The following ANKRD30A variants were observed in gnomAD, a reference collection of about 807,000 sequenced individuals.
The protein encoded by ANKRD30A is ankyrin repeat domain-containing protein 30A.
A neutral mutation model predicts 166.3 loss-of-function variants in ANKRD30A; 170 were observed. The observed-to-expected ratio is 1.02, with a 90% CI of 0.90 to 1.16. ANKRD30A has a LOEUF of 1.16. Among genes scored for constraint, ANKRD30A ranks in the 50% most tolerant of loss-of-function variants. The pLI, the probability that ANKRD30A is intolerant of heterozygous loss-of-function variation, is 0.00. For synonymous variants in ANKRD30A, 564 were observed against 508.9 expected (o/e 1.11, Z -1.46); for missense variants, 1,630 against 1,518.0 (o/e 1.07, Z -1.23).
chr10:37,157,471 T>C (rs1383576280), intron 13 of ANKRD30A, among the ~76,000 whole-genome samples: 2 of 152,188 alleles, frequency 1.3e-5, no homozygotes, highest in Admixed American at 1.3e-4. Context: ...GTTCAAGTGA[T>C]TCTGGTACCT....
At chr10:37,130,118 T>C in intron 2 of ANKRD30A, 87 bp from the exon 3 acceptor site, 1 of 1,160,846 alleles carries the variant, frequency 8.6e-7, no homozygotes, top group Non-Finnish European at 1.1e-6. Flanking sequence ...GTGGAATATT[T>C]ATTTTGATTT....
At chr10:37,241,981 A>G in the ANKRD30A span, 2 of 152,198 alleles carry the variant, frequency 1.3e-5, no homozygotes, top group African/African-American at 2.4e-5. Context: ...ATTCTACGTG[A>G]CTACAATATA....
At chr10:37,216,656 A>G (rs1842621555) in intron 32 of ANKRD30A, among the ~76,000 whole-genome samples, 1 of 151,292 alleles carries the variant, frequency 6.6e-6, no homozygotes, top group Non-Finnish European at 1.5e-5. Context: ...TACTTAACAA[A>G]TTAAGTTTTT....
At chr10:37,201,642 G>C (rs188071451) in intron 31 of ANKRD30A, among the ~76,000 whole-genome samples, 1 of 152,092 alleles carries the variant, frequency 6.6e-6, no homozygotes, top group Admixed American at 6.6e-5. Flanking sequence ...GAGAGTACAT[G>C]AAGGAACAAG....
At chr10:37,192,292 C>T (rs1366704244) in intron 25 of ANKRD30A, among the ~76,000 whole-genome samples, 1 of 151,928 alleles carries the variant, frequency 6.6e-6, no homozygotes, top group Non-Finnish European at 1.5e-5. Flanking sequence ...GATCCGCCCT[C>T]CTCGGCCTTC....
chr10:37,217,650 A>G, intron 32 of ANKRD30A, 45 bp from the exon 33 acceptor site: 6 of 1,419,582 alleles, frequency 4.2e-6, no homozygotes, highest in East Asian at 2.5e-5. Flanking sequence ...AATGAATTCT[A>G]TTTTCTAACA....
chr10:37,140,571 A>G (rs1219535515), intron 6 of ANKRD30A, among the ~76,000 whole-genome samples: 3 of 152,344 alleles, frequency 2.0e-5, no homozygotes, highest in Non-Finnish European at 2.9e-5. Flanking sequence ...AGATATATTT[A>G]CTTCATTAAA....
chr10:37,248,211 A>T, the ANKRD30A span: 1 of 631,610 alleles, frequency 1.6e-6, no homozygotes, highest in African/African-American at 1.8e-5. Flanking sequence ...CTACAAAATC[A>T]CCCAGAATGC....
chr10:37,219,988 A>AATATATATATATATATATATATATATAT (rs71007624), intron 34 of ANKRD30A, 91 bp downstream of exon 34: 1 of 187,518 alleles, frequency 5.3e-6, no homozygotes, highest in Non-Finnish European at 1.0e-5. Flanking sequence ...AATCTAGTTG[A>AATATATATATATATATATATATATATAT]ATATATATAT....
At chr10:37,178,145 G>T (rs1839881123) in intron 24 of ANKRD30A, among the ~76,000 whole-genome samples, 2 of 151,282 alleles carry the variant, frequency 1.3e-5, no homozygotes, top group African/African-American at 4.8e-5. Context: ...GATCGGGTAT[G>T]GTTAGAAATT....
At position 37,149,760 on chromosome 10, in the gene ANKRD30A, C is replaced by A. The variant is rs2132552674; in HGVS notation, c.1573-17C>A. Reference sequence around the variant, plus strand: ...TATACATTCTTTATTAATCATTTTGCTTCCAACCCCATTTAGCCTGCCATT... The same window carrying A: ...TATACATTCTTTATTAATCATTTTGATTCCAACCCCATTTAGCCTGCCATT... On this transcript the variant is annotated splice_polypyrimidine_tract_variant and intron_variant, in intron 10 of 35. Transcript: ENST00000361713. 1 of 1,612,872 alleles carries A rather than the reference C, an allele frequency of 6.2e-7. No homozygotes were observed. Among genetic ancestry groups the A allele is most frequent in the South Asian group, 1.1e-5 (1 of 91,054 alleles).
chr10:37,125,771 A>T lies in ANKRD30A; in HGVS notation c.-17A>T. On this transcript the variant is annotated 5_prime_UTR_variant, in exon 1 of 36. Transcript: ENST00000361713. ...CGATCGGGAGGCGCGGGCACTCTCT[A>T]GCAGGTGGCCGCAGCCATGGAGGAG... 1.6e-6 allele frequency: 1 copy of T among 624,960 alleles called. No individual in the cohort carries two copies. Among genetic ancestry groups the T allele is most frequent in the Non-Finnish European group, 2.9e-6 (1 of 349,050 alleles). The allele number at this position is 624,960 out of a possible 1,614,324, so 38.7% of individuals were successfully genotyped here. A position where few individuals can be genotyped will look rare whatever the true frequency, so the allele number is the denominator to read the frequency against.
chr10:37,226,457 C>A (rs547292349), intron 34 of ANKRD30A, among the ~76,000 whole-genome samples: 4 of 151,690 alleles, frequency 2.6e-5, no homozygotes, highest in Admixed American at 2.0e-4. Context: ...AGTGTGGAAA[C>A]CCATCTCACA....
At chr10:37,129,758 T>C in intron 1 of ANKRD30A, 135 bp from the exon 2 acceptor site, 1 of 401,952 alleles carries the variant, frequency 2.5e-6, no homozygotes, top group Non-Finnish European at 4.1e-6. Flanking sequence ...TGTTGTACTT[T>C]CTTCAGGAGA....
chr10:37,258,885 C>T, the ANKRD30A span, among the ~76,000 whole-genome samples: 3 of 147,548 alleles, frequency 2.0e-5, no homozygotes, highest in African/African-American at 7.5e-5. Context: ...ATTGCTTGAA[C>T]TCGGGATGAG....
the ANKRD30A span, among the ~76,000 whole-genome samples, chr10:37,249,195 G>C: frequency 4.6e-5 from 7 of 152,124 alleles, no homozygotes; most frequent in Admixed American, 3.9e-4. Context: ...TTCTGGGAAG[G>C]CTTCCTAGTT....
the ANKRD30A span, among the ~76,000 whole-genome samples, chr10:37,253,732 C>T: frequency 6.6e-6 from 1 of 151,678 alleles, no homozygotes. Context: ...ACTGCAAGCG[C>T]CACCTCCGGG....
At position 37,142,247 on chromosome 10, in the gene ANKRD30A, T is replaced by C; in HGVS notation, c.1350T>C (p.Ile450=). The change falls in exon 7 of 36, where the codon ATT becomes ATC. Residue 450 remains isoleucine (I), a synonymous_variant. Coordinates refer to ENST00000361713, the MANE Select transcript of ANKRD30A (RefSeq NM_052997.3). ...TGGAAAAAGGAAGATCTAAGATGATTGCATGTCCTACAAAAGAATCATCTA... is the reference window on the plus strand; with the variant it reads ...TGGAAAAAGGAAGATCTAAGATGATCGCATGTCCTACAAAAGAATCATCTA... ...KVLEKGRSKM[I]ACPTKESSTK... is the part of the protein sequence containing the mutation. 6.2e-7 allele frequency: 1 copy of C among 1,602,002 alleles called. No individual in the cohort carries two copies. Among genetic ancestry groups the C allele is most frequent in the Admixed American group, 1.8e-5 (1 of 56,790 alleles).
At chr10:37,231,986 ATAC>A (rs1843431100) in intron 35 of ANKRD30A, among the ~76,000 whole-genome samples, 1 of 152,040 alleles carries the variant, frequency 6.6e-6, no homozygotes, top group Non-Finnish European at 1.5e-5. Context: ...AACTAAATAT[ATAC>A]TTTGAGATGT....
Sources: gnomAD v4.1 joint callset for allele counts (sites outside exome capture counted in the v4.1 genomes callset) on GRCh38, gnomAD v4.1.1 for gene constraint, MANE v1.5 for transcripts, NCBI Gene and HGNC (gene_info 2026-07-23, HGNC 2026-07-21) for gene names.